The following DYNC2H1 variants were observed in gnomAD, a reference collection of about 807,000 sequenced individuals.
DYNC2H1 encodes the protein dynein cytoplasmic 2 heavy chain 1, also known as cytoplasmic dynein 2 heavy chain 1.
In DYNC2H1, 410 loss-of-function variants were observed where a neutral mutation model predicts 570.0. The observed-to-expected ratio is 0.72, with a 90% CI of 0.66 to 0.78. The LOEUF is 0.78. Ranked by LOEUF, DYNC2H1 falls within the 30% of genes least tolerant of loss-of-function variation. DYNC2H1 has a pLI of 0.00. For missense variants in DYNC2H1, 4,865 were observed against 5,046.4 expected (o/e 0.96, Z 1.09); for synonymous variants, 1,688 against 1,677.6 (o/e 1.01, Z -0.15).
At chr11:103,407,244 G>T (rs1942898379) in intron 84 of DYNC2H1, 1 of 151,858 alleles carries the variant, frequency 6.6e-6, no homozygotes, top group South Asian at 2.1e-4. Context: ...GGATTAATTA[G>T]TACAGGAAGG....
At chr11:103,146,791 CAG>C (rs995065939) in intron 18 of DYNC2H1, among the ~76,000 whole-genome samples, 5 of 151,908 alleles carry the variant, frequency 3.3e-5, no homozygotes, top group Non-Finnish European at 7.4e-5. Flanking sequence ...TTAGTAGAGA[CAG>C]GGGTCTCACC....
At chr11:103,456,466 G>C in intron 87 of DYNC2H1, 110 bp downstream of exon 87, 3 of 727,050 alleles carry the variant, frequency 4.1e-6, no homozygotes, top group South Asian at 5.6e-5. Context: ...AAGATCAGTA[G>C]AGTTAGATTG....
chr11:103,310,624 T>G (rs1220040224), intron 78 of DYNC2H1, among the ~76,000 whole-genome samples: 3 of 149,156 alleles, frequency 2.0e-5, no homozygotes, highest in African/African-American at 7.3e-5. Flanking sequence ...AAGCTTTCAT[T>G]AAAAAAGTGT....
At position 103,177,740 on chromosome 11, in the gene DYNC2H1, G is replaced by T. The variant is rs749970979; in HGVS notation, c.6059G>T (p.Gly2020Val). Residue 2020 changes from glycine to valine, a missense_variant, in exon 38 of 89, where the codon GGC (glycine) becomes GTC (valine). By Grantham distance (109) the Gly-to-Val change is moderately radical (BLOSUM62 -3). This residue lies in a region of DYNC2H1 where 231 missense variants were observed against 310.3 expected (regional missense o/e 0.74). Coordinates refer to ENST00000375735, the MANE Select transcript of DYNC2H1 (RefSeq NM_001377.3). This position sits in a 1 kb window ranked among gnomAD's most constrained non-coding sequence, Gnocchi z 4.4. ...PKAMPRYQLLGHIDMDTREWS... is the reference protein window; with the variant it reads ...PKAMPRYQLLVHIDMDTREWS... Reference sequence around the variant, plus strand: ...GCTATGCCTCGATATCAATTATTAGGCCATATTGACATGGACACAAGAGAA... The same window carrying T: ...GCTATGCCTCGATATCAATTATTAGTCCATATTGACATGGACACAAGAGAA... The T allele has an allele frequency of 6.2e-7, 1 of 1,613,228 alleles. No homozygotes were observed. Among genetic ancestry groups the T allele is most frequent in the Non-Finnish European group, 8.5e-7 (1 of 1,179,646 alleles).
chr11:103,352,172 CT>C (rs1425292950), intron 82 of DYNC2H1, among the ~76,000 whole-genome samples: 1 of 151,936 alleles, frequency 6.6e-6, no homozygotes, highest in Non-Finnish European at 1.5e-5. Flanking sequence ...TAAGAAATCT[CT>C]TAATTTTATT....
Position 103,170,241 on chromosome 11 carries a change from C to T in DYNC2H1, c.5102C>T (p.Ala1701Val). The T allele has an allele frequency of 6.2e-7, 1 of 1,609,898 alleles. No homozygotes were observed. Among genetic ancestry groups the T allele is most frequent in the Non-Finnish European group, 8.5e-7 (1 of 1,178,336 alleles). The change falls in exon 33 of 89, where the codon GCT becomes GTT. Residue 1701 changes from alanine (A) to valine (V), a missense_variant. This residue lies in a region of DYNC2H1 where 5 missense variants were observed against 19.1 expected (regional missense o/e 0.26). Transcript: ENST00000375735. The surrounding 1 kb of genome is among the most constrained non-coding windows in gnomAD (Gnocchi z 4.8). ...ACTGGGAAAACGGAATCAGTAAAGG[C>T]TTTAGGTGGACTTCTTGGAAGACAA... Reference protein sequence around the residue: ...AGTGKTESVKALGGLLGRQVL... With the variant: ...AGTGKTESVKVLGGLLGRQVL...
At chr11:103,132,678 TGA>T (rs1421669192) in intron 13 of DYNC2H1, among the ~76,000 whole-genome samples, 1 of 150,056 alleles carries the variant, frequency 6.7e-6, no homozygotes, top group Non-Finnish European at 1.5e-5. Flanking sequence ...GTGTGTGTGA[TGA>T]GTTTCCTGCT....
chr11:103,362,960 G>A (rs1334668591), intron 83 of DYNC2H1, among the ~76,000 whole-genome samples: 1 of 152,120 alleles, frequency 6.6e-6, no homozygotes, highest in Non-Finnish European at 1.5e-5. Context: ...GAACCCGGGA[G>A]ACAGAGGTTG....
chr11:103,467,795 C>T (rs1296827483), intron 87 of DYNC2H1, among the ~76,000 whole-genome samples: 4 of 152,140 alleles, frequency 2.6e-5, no homozygotes, highest in Non-Finnish European at 5.9e-5. Context: ...CCTCAGCCTC[C>T]CAAAGTGCTG....
At chr11:103,221,375 G>T (rs1863581338) in intron 57 of DYNC2H1, among the ~76,000 whole-genome samples, 1 of 152,154 alleles carries the variant, frequency 6.6e-6, no homozygotes, top group African/African-American at 2.4e-5. Context: ...GGAGGACATA[G>T]GTTGACAGAG....
chr11:103,346,276 G>A (rs1939740209), intron 82 of DYNC2H1, among the ~76,000 whole-genome samples: 1 of 152,072 alleles, frequency 6.6e-6, no homozygotes, highest in Non-Finnish European at 1.5e-5. Context: ...CAAGTTCTTG[G>A]TAAATTCATT....
In DYNC2H1 at chr11:103,479,196, G is replaced by A. The variant is rs1261298796; in HGVS notation, c.12867G>A (p.Gly4289=). The change falls in exon 89 of 89, where the codon GGG becomes GGA. Residue 4289 remains glycine (G), a synonymous_variant. Coordinates refer to ENST00000375735, the MANE Select transcript of DYNC2H1 (RefSeq NM_001377.3). ...TTACCAATATTGATGTTCCATGTGG[G>A]GGCAACCAAGACCAGTGGATTCAGT... is the stretch of plus-strand genomic sequence containing the variant. The part of the protein sequence containing the change: ...RVVTNIDVPC[G]GNQDQWIQCG... The A allele has an allele frequency of 6.2e-7, 1 of 1,613,718 alleles. No individual in the cohort carries two copies. Among genetic ancestry groups the A allele is most frequent in the Non-Finnish European group, 8.5e-7 (1 of 1,179,798 alleles).
intron 87 of DYNC2H1, among the ~76,000 whole-genome samples, chr11:103,466,462 C>T (rs1945196766): frequency 6.6e-6 from 1 of 152,062 alleles, no homozygotes; most frequent in African/African-American, 2.4e-5. Flanking sequence ...AGTGAAAACA[C>T]AGGCCACAGA....
At chr11:103,235,568 A>T in intron 61 of DYNC2H1, 104 bp from the exon 62 acceptor site, 1 of 1,068,904 alleles carries the variant, frequency 9.4e-7, no homozygotes, top group Non-Finnish European at 1.3e-6. Context: ...ACAAGTTATT[A>T]CCTGTGATTT....
chr11:103,297,656 T>C (rs1250799805), intron 75 of DYNC2H1, among the ~76,000 whole-genome samples: 1 of 152,126 alleles, frequency 6.6e-6, no homozygotes, highest in Non-Finnish European at 1.5e-5. Flanking sequence ...TATAATCTTA[T>C]GGAACAACCA....
rs1439958493 is a variant in DYNC2H1 at position 103,170,197 on chromosome 11, T to C, written c.5058T>C (p.Asn1686=). The C allele has an allele frequency of 6.2e-7, 1 of 1,613,042 alleles. No individual in the cohort carries two copies. The highest frequency in any genetic ancestry group is 8.5e-7 in the Non-Finnish European group (1 of 1,179,458). The part of the protein sequence containing the change: ...TQAMKMGLGG[N]PYGPAGTGKT... The stretch of plus-strand genomic sequence containing the variant: ...CCATGAAGATGGGACTTGGAGGAAA[T>C]CCTTATGGACCAGCTGGAACTGGGA... Residue 1686 remains asparagine (N), a synonymous_variant, in exon 33 of 89, where the codon AAT becomes AAC. Transcript: ENST00000375735. This position sits in a 1 kb window ranked among gnomAD's most constrained non-coding sequence, Gnocchi z 4.8.
Position 103,254,622 on chromosome 11 carries a change from C to G in DYNC2H1, c.10207-793C>G, listed in dbSNP as rs991659322. Among the ~76,000 whole-genome samples the G allele has an allele frequency of 6.6e-6, 1 of 152,056 alleles. No homozygotes were observed. Among genetic ancestry groups the G allele is most frequent in the Non-Finnish European group, 1.5e-5 (1 of 68,026 alleles). ...CAAAGTGGCTGCACTATTTACTTTC[C>G]CACCAGAAATATAGGAGGGTTCCGC... On this transcript the variant is annotated intron_variant, in intron 66 of 88. Coordinates refer to ENST00000375735, the MANE Select transcript of DYNC2H1 (RefSeq NM_001377.3). The surrounding 1 kb of genome is among the most constrained non-coding windows in gnomAD (Gnocchi z 4.9).
At chr11:103,317,092 C>T (rs1323381537) in intron 80 of DYNC2H1, among the ~76,000 whole-genome samples, 5 of 152,100 alleles carry the variant, frequency 3.3e-5, no homozygotes, top group African/African-American at 1.2e-4. Context: ...TCCTTGAAAA[C>T]AGGAACAGTC....
intron 54 of DYNC2H1, 40 bp from the exon 55 acceptor site, chr11:103,215,681 C>A (rs1016304120): frequency 2.0e-6 from 3 of 1,507,144 alleles, no homozygotes; most frequent in Non-Finnish European, 2.7e-6. Flanking sequence ...TGTAAAATTC[C>A]TTTTTTAAAA....
Sources: allele counts gnomAD v4.1 joint callset (sites outside exome capture counted in the v4.1 genomes callset), GRCh38; gene constraint gnomAD v4.1.1; regional missense constraint gnomAD v4.1.1; non-coding constraint Gnocchi (gnomAD v3.1); transcripts MANE v1.5; gene names NCBI Gene and HGNC (gene_info 2026-07-23, HGNC 2026-07-21).